Variants in SSBP3 observed in about 807,000 individuals in gnomAD.
SSBP3 encodes single-stranded DNA-binding protein 3.
In SSBP3, 5 loss-of-function variants were observed where a neutral mutation model predicts 69.6. The ratio of observed to expected loss-of-function variants is 0.07; its 90% confidence interval spans 0.04 to 0.15. The LOEUF (loss-of-function observed/expected upper bound fraction) is 0.15, where lower values mean the gene tolerates loss of function less well. Among genes scored for constraint, SSBP3 ranks in the 10% least tolerant of loss-of-function variants. SSBP3 has a pLI of 1.00. For synonymous variants in SSBP3, 196 were observed against 193.4 expected (o/e 1.01, Z -0.11); for missense variants, 312 against 534.0 (o/e 0.58, Z 4.10).
At chr1:54,317,775 G>GT (rs1463089914) in intron 4 of SSBP3, among the ~76,000 whole-genome samples, 1 of 151,938 alleles carries the variant, frequency 6.6e-6, no homozygotes, top group Middle Eastern at 3.2e-3. Context: ...GTTTGTTTTT[G>GT]TTTTTTTAAG....
chr1:54,272,913 C>T (rs568528257), intron 5 of SSBP3, among the ~76,000 whole-genome samples: 102 of 152,348 alleles, frequency 6.7e-4, no homozygotes, highest in African/African-American at 2.4e-3. Flanking sequence ...CCAGTGAGGG[C>T]TTCGCCAGGA....
chr1:54,390,308 C>T (rs893974254), intron 4 of SSBP3, among the ~76,000 whole-genome samples: 7 of 152,138 alleles, frequency 4.6e-5, no homozygotes, highest in African/African-American at 1.7e-4. Flanking sequence ...CACCCCAACT[C>T]CCAATGGTCA....
intron 4 of SSBP3, among the ~76,000 whole-genome samples, chr1:54,363,141 G>C (rs12038092): frequency 0.17 from 25,712 of 152,086 alleles, 2,274 homozygotes; most frequent in East Asian, 0.28. Context: ...CACAGCCCCT[G>C]AACAGCTGGA....
intron 4 of SSBP3, among the ~76,000 whole-genome samples, chr1:54,315,587 CT>C (rs201326527): frequency 1.4e-5 from 2 of 147,590 alleles, no homozygotes; most frequent in African/African-American, 2.5e-5. Context: ...ATTAAGACAA[CT>C]TTTTTTTAAT....
chr1:54,339,093 C>A (rs1557545316), intron 4 of SSBP3, among the ~76,000 whole-genome samples: 1 of 152,112 alleles, frequency 6.6e-6, no homozygotes, highest in South Asian at 2.1e-4. Context: ...TGGTTCAATT[C>A]CAGCCTCCAA....
At chr1:54,347,054 T>C (rs1442287793) in intron 4 of SSBP3, among the ~76,000 whole-genome samples, 2 of 152,052 alleles carry the variant, frequency 1.3e-5, no homozygotes, top group Admixed American at 6.6e-5. Context: ...CTTGGACTCC[T>C]GGGATCAAGC....
chr1:54,382,882 G>A (rs1400689094), intron 4 of SSBP3, among the ~76,000 whole-genome samples: 1 of 151,964 alleles, frequency 6.6e-6, no homozygotes, highest in Admixed American at 6.5e-5. Context: ...CTACCCAGGA[G>A]GCTAAGGCAG....
chr1:54,253,019 C>T (rs566063740), intron 7 of SSBP3, among the ~76,000 whole-genome samples: 3 of 152,142 alleles, frequency 2.0e-5, no homozygotes, highest in African/African-American at 7.2e-5. Context: ...GGTTTTGGAA[C>T]GAGGTGGTGG....
chr1:54,360,508 T>C (rs1646934040), intron 4 of SSBP3, among the ~76,000 whole-genome samples: 3 of 152,114 alleles, frequency 2.0e-5, no homozygotes, highest in African/African-American at 7.2e-5. Flanking sequence ...CCCCAGCCAG[T>C]TCTAATGTAT....
chr1:54,282,519 A>G (rs1176396038), intron 4 of SSBP3, among the ~76,000 whole-genome samples: 1 of 152,200 alleles, frequency 6.6e-6, no homozygotes, highest in Non-Finnish European at 1.5e-5. Context: ...TGCCTCAACA[A>G]ATGCCTCCCA....
rs534852411 is a variant in SSBP3, at chr1:54,252,383, G to A, written c.508-523C>T. Among the ~76,000 whole-genome samples the A allele has an allele frequency of 5.3e-5, 8 of 152,370 alleles. No homozygotes were observed. The South Asian group carries it at 1.7e-3, about 32-fold the overall frequency. On this transcript the variant is annotated intron_variant, in intron 7 of 17. Coordinates refer to ENST00000610401, the Ensembl canonical transcript of SSBP3. Reference sequence around the variant, plus strand: ...CATTTAAAGGGGAAAAGAGGATGAGGAGGCTTTTAGGATTGAGATGGGGAA... The same window carrying A: ...CATTTAAAGGGGAAAAGAGGATGAGAAGGCTTTTAGGATTGAGATGGGGAA...
intron 4 of SSBP3, among the ~76,000 whole-genome samples, chr1:54,380,364 C>G (rs1313456898): frequency 2.0e-5 from 3 of 152,220 alleles, no homozygotes; most frequent in Non-Finnish European, 2.9e-5. Context: ...AGCACCTGAC[C>G]TGCCAAATAA....
At chr1:54,240,940 C>A in exon 13 of SSBP3, 2 of 1,610,888 alleles carry the variant, frequency 1.2e-6, no homozygotes, top group Non-Finnish European at 8.5e-7. Flanking sequence ...TCCTGGAGGA[C>A]CGCCACCACC....
At chr1:54,349,810 T>TAACTTTC (rs1646753104) in intron 4 of SSBP3, among the ~76,000 whole-genome samples, 2 of 152,128 alleles carry the variant, frequency 1.3e-5, no homozygotes, top group East Asian at 3.8e-4. Context: ...TTTCATCTTT[T>TAACTTTC]AACTTTCCTC....
At chr1:54,384,734 C>T (rs1312450306) in intron 4 of SSBP3, among the ~76,000 whole-genome samples, 1 of 152,214 alleles carries the variant, frequency 6.6e-6, no homozygotes, top group South Asian at 2.1e-4. Context: ...CAGAAAAATA[C>T]ACAGATGTCT....
intron 9 of SSBP3, among the ~76,000 whole-genome samples, chr1:54,250,260 T>G (rs1644803678): frequency 6.6e-6 from 1 of 152,222 alleles, no homozygotes; most frequent in Non-Finnish European, 1.5e-5. Flanking sequence ...TGCTGTGGGC[T>G]TGCTTCCTTT....
intron 4 of SSBP3, among the ~76,000 whole-genome samples, chr1:54,354,871 C>T (rs1247077709): frequency 6.6e-6 from 1 of 152,188 alleles, no homozygotes; most frequent in African/African-American, 2.4e-5. Flanking sequence ...CTGTACATGC[C>T]ATCTACCCAG....
intron 4 of SSBP3, among the ~76,000 whole-genome samples, chr1:54,313,238 T>A (rs992135100): frequency 6.6e-6 from 1 of 151,932 alleles, no homozygotes; most frequent in African/African-American, 2.4e-5. Context: ...CCTGTTGATA[T>A]GTTTGTTCTC....
intron 9 of SSBP3, among the ~76,000 whole-genome samples, chr1:54,248,233 T>C (rs1237547087): frequency 1.3e-5 from 2 of 152,178 alleles, no homozygotes; most frequent in African/African-American, 4.8e-5. Context: ...ACTGTGTGTG[T>C]TGTGGTGCTT....
Sources: gnomAD v4.1 joint callset for allele counts (sites outside exome capture counted in the v4.1 genomes callset) on GRCh38, gnomAD v4.1.1 for gene constraint, MANE v1.5 for transcripts, NCBI Gene and HGNC (gene_info 2026-07-23, HGNC 2026-07-21) for gene names.